OR2K2: variants seen among roughly 807,000 people sequenced by gnomAD.
OR2K2 encodes the protein olfactory receptor 2K2.
A neutral mutation model predicts 11.1 loss-of-function variants in OR2K2; 7 were observed. The observed-to-expected ratio is 0.63, with a 90% CI of 0.36 to 1.19. The LOEUF is 1.19. OR2K2 is among the 50% of genes most tolerant of loss of function. OR2K2 has a pLI of 0.02. For missense variants in OR2K2, 391 were observed against 383.4 expected, an observed-to-expected ratio of 1.02 and a Z score of -0.17; for synonymous variants, 152 against 150.8, an observed-to-expected ratio of 1.01 and a Z score of -0.06.
chr9:111,328,019 A>C lies in OR2K2; in HGVS notation c.415T>G (p.Cys139Gly). ...ACCGTAGCCATCCGTGCACAGACGC[A>C]CCTGTTCATGATGATGGAGTATCTC... The part of the protein sequence containing the change: ...PLRYSIIMNR[C>G]VCARMATVSW... Residue 139 changes from cysteine (C) to glycine (G), a missense_variant, in exon 2 of 2, where the codon TGC (cysteine) becomes GGC (glycine). Physicochemically the swap from Cys to Gly is radical, Grantham distance 159. Transcript: ENST00000302681. 1 of 1,614,162 alleles carries C rather than the reference A, an allele frequency of 6.2e-7. No individual in the cohort carries two copies. The highest frequency in any genetic ancestry group is 2.2e-5 in the East Asian group (1 of 44,876).
At position 111,328,382 on chromosome 9, in the gene OR2K2, A is replaced by G. The variant is rs778696781; in HGVS notation, c.52T>C (p.Ser18Pro). 6 of 1,612,954 alleles carry G rather than the reference A, an allele frequency of 3.7e-6. No homozygotes were observed. The Admixed American group carries it at 6.7e-5, about 18-fold the overall frequency. ...ACCACTTCTAACCCTGGGTACTGGG[A>G]AAATCCCTCCAAGAAAAAAATGCTC... is the stretch of plus-strand genomic sequence containing the variant. ...IWSIFFLEGF[S>P]QYPGLEVVLF... The change falls in exon 2 of 2, where the codon TCC (serine) becomes CCC (proline). Residue 18 changes from serine to proline, a missense_variant. Transcript: ENST00000302681.
chr9:111,328,618 G>A (rs75629623), intron 1 of OR2K2, 136 bp from the exon 2 acceptor site: 1 of 588,118 alleles, frequency 1.7e-6, no homozygotes. Flanking sequence ...GTAAGGGGGG[G>A]AGCAGGTTGA....
chr9:111,328,159 A>G lies in OR2K2; in HGVS notation c.275T>C (p.Ile92Thr), dbSNP rs1431116595. 1 of 1,614,160 alleles carries G rather than the reference A, an allele frequency of 6.2e-7. No individual in the cohort carries two copies. The highest frequency in any genetic ancestry group is 8.5e-7 in the Non-Finnish European group (1 of 1,180,010). Residue 92 changes from isoleucine (I) to threonine (T), a missense_variant, in exon 2 of 2, where the codon ATT becomes ACT. Transcript: ENST00000302681. The part of the protein sequence containing the change: ...LVNLLSSQKT[I>T]IFSGCAVQMY... ...CTGTACAGCACACCCAGAAAAGATA[A>G]TGGTTTTCTGGGATGACAGCAAGTT...
chr9:111,327,624 G>A lies in OR2K2; in HGVS notation c.810C>T (p.Asp270=), dbSNP rs1359987809. 1.9e-6 allele frequency: 3 copies of A among 1,614,024 alleles called. No homozygotes were observed. The highest frequency in any genetic ancestry group is 8.5e-7 in the Non-Finnish European group (1 of 1,180,008). The change falls in exon 2 of 2, where the codon GAC becomes GAT. Residue 270 remains aspartate, a synonymous_variant. Transcript: ENST00000302681. ...CTCCGTAAAGCAACGAGATGATTTT[G>A]TCTATTTTTTGTGCATTTGATGAAG... ...KPSSSNAQKI[D]KIISLLYGVL...
chr9:111,327,682 T>A lies in OR2K2; in HGVS notation c.752A>T (p.Tyr251Phe). ...GAHLTVVILY[Y>F]GAALSMYLKP... Reference sequence around the variant, plus strand: ...TAGGTACATAGAGAGGGCAGCCCCATAATACAAAATCACCACAGTCAAATG... The same window carrying A: ...TAGGTACATAGAGAGGGCAGCCCCAAAATACAAAATCACCACAGTCAAATG... Residue 251 changes from tyrosine to phenylalanine, a missense_variant, in exon 2 of 2, where the codon TAT (tyrosine) becomes TTT (phenylalanine). Coordinates refer to ENST00000302681, the MANE Select transcript of OR2K2 (RefSeq NM_205859.2). 6.2e-7 allele frequency: 1 copy of A among 1,614,100 alleles called. No homozygotes were observed. Among genetic ancestry groups the A allele is most frequent in the Non-Finnish European group, 8.5e-7 (1 of 1,179,994 alleles).
In OR2K2 at chr9:111,328,284, G is replaced by A; in HGVS notation, c.150C>T (p.Ile50=). ...TGGGGGTTTTAAGGCGTGAATCTAG[G>A]ATAGTGATCAAAATAAGAGTGCTGT... ...LGNSTLILIT[I]LDSRLKTPMY... is the part of the protein sequence containing the mutation. The change falls in exon 2 of 2, where the codon ATC becomes ATT. Residue 50 remains isoleucine (I), a synonymous_variant. Transcript: ENST00000302681. 1.7e-5 allele frequency: 27 copies of A among 1,614,126 alleles called. No individual in the cohort carries two copies. Among genetic ancestry groups the A allele is most frequent in the Non-Finnish European group, 2.3e-5 (27 of 1,180,008 alleles).
Position 111,328,471 on chromosome 9 carries a change from C to G in OR2K2, c.-38G>C. Reference sequence around the variant, plus strand: ...ATCTATATTTCTTCCAGTACTATTCCCTTCATTTAATCTGAGGACATAAAG... The same window carrying G: ...ATCTATATTTCTTCCAGTACTATTCGCTTCATTTAATCTGAGGACATAAAG... On this transcript the variant is annotated 5_prime_UTR_variant, in exon 2 of 2. Coordinates refer to ENST00000302681, the MANE Select transcript of OR2K2 (RefSeq NM_205859.2). The G allele has an allele frequency of 7.5e-7, 1 of 1,334,676 alleles. No homozygotes were observed. The highest frequency in any genetic ancestry group is 1.1e-6 in the Non-Finnish European group (1 of 944,752). The allele number at this position is 1,334,676 out of a possible 1,614,324, so 82.7% of individuals were successfully genotyped here.
intron 1 of OR2K2, 68 bp downstream of exon 1, chr9:111,330,038 C>G (rs1370685936): frequency 6.6e-6 from 1 of 151,890 alleles, no homozygotes; most frequent in East Asian, 1.9e-4. Flanking sequence ...TTCAAAGAAG[C>G]TTAATTTTTG....
At position 111,327,791 on chromosome 9, in the gene OR2K2, T is replaced by C. The variant is rs571852609; in HGVS notation, c.643A>G (p.Ile215Val). Residue 215 changes from isoleucine (I) to valine (V), a missense_variant, in exon 2 of 2, where the codon ATC becomes GTC. Coordinates refer to ENST00000302681, the MANE Select transcript of OR2K2 (RefSeq NM_205859.2). ...LLPIPMLLVCISYIFILSTIL... is the reference protein window; with the variant it reads ...LLPIPMLLVCVSYIFILSTIL... ...GTGGAAAGGATGAAGATGTAAGAGA[T>C]GCAAACTAAGAGCATTGGAATTGGC... 25 of 1,614,184 alleles carry C rather than the reference T, an allele frequency of 1.5e-5. No individual in the cohort carries two copies. In the South Asian group the frequency reaches 2.3e-4, roughly 15 times the overall value.
Position 111,329,669 on chromosome 9 carries a change from G to C in OR2K2, c.-50+437C>G, listed in dbSNP as rs2098102295. On this transcript the variant is annotated intron_variant, in intron 1 of 1. Transcript: ENST00000302681. Reference sequence around the variant, plus strand: ...GATCATATCCATGAGCAGTGAACTTGAGCAAACTAACTTTAGCACTTCCAG... The same window carrying C: ...GATCATATCCATGAGCAGTGAACTTCAGCAAACTAACTTTAGCACTTCCAG... 2.6e-5 allele frequency among the ~76,000 whole-genome samples: 4 copies of C among 152,298 alleles called. No homozygotes were observed. In the South Asian group the frequency reaches 8.3e-4, roughly 32 times the overall value.
chr9:111,327,812 T>A lies in OR2K2; in HGVS notation c.622A>T (p.Ile208Phe), dbSNP rs777121714. The A allele has an allele frequency of 1.2e-6, 2 of 1,614,008 alleles. No homozygotes were observed. The highest frequency in any genetic ancestry group is 1.7e-6 in the Non-Finnish European group (2 of 1,180,026). The change falls in exon 2 of 2, where the codon ATT becomes TTT. Residue 208 changes from isoleucine to phenylalanine, a missense_variant. Physicochemically the swap from Ile to Phe is conservative, Grantham distance 21. Transcript: ENST00000302681. ...MLVVSILLLP[I>F]PMLLVCISYI... Reference sequence around the variant, plus strand: ...GAGATGCAAACTAAGAGCATTGGAATTGGCAAGAGGAGAATGCTGACCACC... The same window carrying A: ...GAGATGCAAACTAAGAGCATTGGAAATGGCAAGAGGAGAATGCTGACCACC...
intron 1 of OR2K2, 91 bp downstream of exon 1, chr9:111,330,015 T>C (rs1195311344): frequency 6.6e-6 from 1 of 152,070 alleles, no homozygotes; most frequent in Non-Finnish European, 1.5e-5. Context: ...ATTAGATTAT[T>C]ATAAAACATT....
At chr9:111,328,931 T>C (rs549581708) in intron 1 of OR2K2, among the ~76,000 whole-genome samples, 1 of 152,256 alleles carries the variant, frequency 6.6e-6, no homozygotes, top group East Asian at 1.9e-4. Context: ...AAATAAATTT[T>C]AGGCCGGGCA....
intron 1 of OR2K2, among the ~76,000 whole-genome samples, chr9:111,328,883 A>G (rs2098102078): frequency 6.6e-6 from 1 of 152,164 alleles, no homozygotes; most frequent in East Asian, 1.9e-4. Context: ...AGCAATATTG[A>G]TCTTCACTAA....
Position 111,327,628 on chromosome 9 carries a change from A to G in OR2K2, c.806T>C (p.Ile269Thr). The G allele has an allele frequency of 6.2e-7, 1 of 1,614,170 alleles. No individual in the cohort carries two copies. Among genetic ancestry groups the G allele is most frequent in the Non-Finnish European group, 8.5e-7 (1 of 1,180,006 alleles). ...GTAAAGCAACGAGATGATTTTGTCTATTTTTTGTGCATTTGATGAAGAAGG... is the reference window on the plus strand; with the variant it reads ...GTAAAGCAACGAGATGATTTTGTCTGTTTTTTGTGCATTTGATGAAGAAGG... ...LKPSSSNAQK[I>T]DKIISLLYGV... The change falls in exon 2 of 2, where the codon ATA becomes ACA. Residue 269 changes from isoleucine to threonine, a missense_variant. Physicochemically the swap from Ile to Thr is moderately conservative, Grantham distance 89. Coordinates refer to ENST00000302681, the MANE Select transcript of OR2K2 (RefSeq NM_205859.2).
intron 1 of OR2K2, 44 bp downstream of exon 1, chr9:111,330,062 A>T (rs1414535233): frequency 6.6e-6 from 1 of 152,112 alleles, no homozygotes; most frequent in Non-Finnish European, 1.5e-5. Flanking sequence ...TACTCTTAAG[A>T]CTAACAAGCA....
intron 1 of OR2K2, among the ~76,000 whole-genome samples, chr9:111,329,292 G>T (rs370870246): frequency 1.1e-4 from 16 of 152,242 alleles, no homozygotes; most frequent in East Asian, 1.9e-4. Flanking sequence ...AGTTTGGGGG[G>T]GCTGTACACT....
At chr9:111,329,420 C>T (rs571870716) in intron 1 of OR2K2, among the ~76,000 whole-genome samples, 10 of 152,088 alleles carry the variant, frequency 6.6e-5, no homozygotes, top group Non-Finnish European at 1.5e-4. Flanking sequence ...ATACATCCAC[C>T]GTACAATTTC....
In OR2K2 at chr9:111,327,431, C is replaced by A; in HGVS notation, c.*52G>T. 1 of 1,226,302 alleles carries A rather than the reference C, an allele frequency of 8.2e-7. No homozygotes were observed. The allele number at this position is 1,226,302 out of a possible 1,614,324, so 76.0% of individuals were successfully genotyped here. A position where few individuals can be genotyped will look rare whatever the true frequency, so the allele number is the denominator to read the frequency against. ...AGAGGTTGTATGTTGTCTCGAATTT[C>A]TCTGATGAGCTCTGCCAGGGGCACA... On this transcript the variant is annotated 3_prime_UTR_variant, in exon 2 of 2. Transcript: ENST00000302681.
Sources: gnomAD v4.1 joint callset for allele counts (sites outside exome capture counted in the v4.1 genomes callset) on GRCh38, gnomAD v4.1.1 for gene constraint, MANE v1.5 for transcripts, NCBI Gene and HGNC (gene_info 2026-07-23, HGNC 2026-07-21) for gene names.